The following FAM131C variants were observed in gnomAD, a reference collection of about 807,000 sequenced individuals.
The protein encoded by FAM131C is family with sequence similarity 131 member C.
In FAM131C, 14 loss-of-function variants were observed where a neutral mutation model predicts 29.8. The ratio of observed to expected loss-of-function variants is 0.47; its 90% confidence interval spans 0.31 to 0.73. The LOEUF (loss-of-function observed/expected upper bound fraction) is 0.73, where lower values mean the gene tolerates loss of function less well. Ranked by LOEUF, FAM131C falls within the 30% of genes least tolerant of loss-of-function variation. The pLI is 0.05. For missense variants in FAM131C, 252 were observed against 383.8 expected (o/e 0.66, Z 2.87); for synonymous variants, 86 against 157.8 (o/e 0.54, Z 3.41).
intron 3 of FAM131C, 119 bp downstream of exon 3, chr1:16,062,380 G>GCCCCCCCCCCCCC (rs34673312): frequency 2.3e-4 from 200 of 859,986 alleles, no homozygotes; most frequent in Non-Finnish European, 3.0e-4. Context: ...GTTTCATCAG[G>GCCCCCCCCCCCCC]CCCCCCCCCC....
chr1:16,067,104 G>A (rs143004368), intron 1 of FAM131C, among the ~76,000 whole-genome samples: 2 of 152,306 alleles, frequency 1.3e-5, no homozygotes, highest in African/African-American at 4.8e-5. Context: ...TTGAGACGGT[G>A]GTGGGCTTGG....
At chr1:16,067,198 G>GC (rs1207865172) in intron 1 of FAM131C, among the ~76,000 whole-genome samples, 1 of 152,152 alleles carries the variant, frequency 6.6e-6, no homozygotes, top group Admixed American at 6.5e-5. Flanking sequence ...AAAGCTGCCT[G>GC]CTCCCCCTGA....
chr1:16,068,406 T>C (rs951185561), intron 1 of FAM131C, among the ~76,000 whole-genome samples: 1 of 152,186 alleles, frequency 6.6e-6, no homozygotes, highest in Non-Finnish European at 1.5e-5. Flanking sequence ...TCCACCCCTC[T>C]CCCCTCAGTG....
chr1:16,065,588 C>T (rs2023672498), intron 1 of FAM131C, among the ~76,000 whole-genome samples: 1 of 152,200 alleles, frequency 6.6e-6, no homozygotes, highest in African/African-American at 2.4e-5. Context: ...AGGGGCTGCC[C>T]TAGGTAAATT....
intron 2 of FAM131C, among the ~76,000 whole-genome samples, chr1:16,062,753 C>T (rs1259030861): frequency 3.9e-5 from 6 of 152,258 alleles, no homozygotes; most frequent in African/African-American, 1.4e-4. Flanking sequence ...CCTCGGGTGC[C>T]GCTTATAGAG....
At chr1:16,063,812 T>G (rs2023639798) in intron 1 of FAM131C, among the ~76,000 whole-genome samples, 176 bp from the exon 2 acceptor site, 1 of 151,764 alleles carries the variant, frequency 6.6e-6, no homozygotes, top group Non-Finnish European at 1.5e-5. Flanking sequence ...CCCTCCTGCC[T>G]GTGCCCCTCA....
intron 2 of FAM131C, among the ~76,000 whole-genome samples, chr1:16,062,752 C>T (rs1198092477): frequency 6.6e-6 from 1 of 152,370 alleles, no homozygotes; most frequent in Admixed American, 6.5e-5. Context: ...GCCTCGGGTG[C>T]CGCTTATAGA....
chr1:16,063,664 C>T, intron 1 of FAM131C, 28 bp from the exon 2 acceptor site: 1 of 1,460,614 alleles, frequency 6.8e-7, no homozygotes, highest in Non-Finnish European at 9.5e-7. Context: ...AGGAGGAACT[C>T]AGCAAAGCCC....
intron 1 of FAM131C, among the ~76,000 whole-genome samples, chr1:16,064,341 A>G (rs1386245078): frequency 6.6e-6 from 1 of 152,108 alleles, no homozygotes; most frequent in Non-Finnish European, 1.5e-5. Context: ...CCAAATCACC[A>G]GAGCCTGCCT....
intron 1 of FAM131C, among the ~76,000 whole-genome samples, chr1:16,068,767 C>A (rs2023713470): frequency 6.6e-6 from 1 of 152,184 alleles, no homozygotes; most frequent in Non-Finnish European, 1.5e-5. Flanking sequence ...CTTCCACACA[C>A]CCCAGCTCCT....
At chr1:16,064,551 T>C (rs1322229838) in intron 1 of FAM131C, among the ~76,000 whole-genome samples, 9 of 152,186 alleles carry the variant, frequency 5.9e-5, no homozygotes, top group Non-Finnish European at 1.5e-5. Flanking sequence ...GGATCTCATA[T>C]GCTGCGATGT....
Position 16,073,281 on chromosome 1 carries a change from C to A in FAM131C, c.22+140G>T, listed in dbSNP as rs989223720. ...CCCTACCGTCCCTAGCTCTGTCCCC[C>A]TCAGGACGCCGCGTCCCCAGGGGTG... On this transcript the variant is annotated intron_variant, in intron 1 of 6. Coordinates refer to ENST00000375662, the MANE Select transcript of FAM131C (RefSeq NM_182623.3). The A allele has an allele frequency of 9.9e-6, 4 of 405,904 alleles. No homozygotes were observed. In the East Asian group the frequency reaches 1.7e-4, roughly 18 times the overall value. 25.1% of individuals were successfully genotyped at this position (405,904 alleles called of 1,614,324 possible).
chr1:16,067,275 G>T (rs994704268), intron 1 of FAM131C, among the ~76,000 whole-genome samples: 11 of 152,326 alleles, frequency 7.2e-5, no homozygotes, highest in Non-Finnish European at 1.6e-4. Context: ...CCAGCCCAGG[G>T]TGAAATCACA....
chr1:16,068,533 C>T (rs80295003), intron 1 of FAM131C, among the ~76,000 whole-genome samples: 4,111 of 152,336 alleles, frequency 0.027, 177 homozygotes, highest in African/African-American at 0.093. Context: ...AGTCCTTGGC[C>T]GCTCTGCCTG....
intron 4 of FAM131C, among the ~76,000 whole-genome samples, 173 bp from the exon 5 acceptor site, chr1:16,060,224 C>G (rs1366370605): frequency 8.4e-6 from 1 of 119,452 alleles, no homozygotes; most frequent in South Asian, 3.0e-4. Flanking sequence ...TAACTCCTCA[C>G]GCCCTCCAAA....
At chr1:16,070,748 C>T (rs958867578) in intron 1 of FAM131C, among the ~76,000 whole-genome samples, 2 of 152,172 alleles carry the variant, frequency 1.3e-5, no homozygotes, top group African/African-American at 2.4e-5. Context: ...CCATTTAGTC[C>T]GCCCAGCAAC....
In FAM131C at chr1:16,067,353, C is replaced by T. The variant is rs2023695046; in HGVS notation, c.23-3717G>A. Among the ~76,000 whole-genome samples, 4 of 152,192 alleles carry T rather than the reference C, an allele frequency of 2.6e-5. 1 individual carries two copies. Among genetic ancestry groups the T allele is most frequent in the Admixed American group, 1.3e-4 (2 of 15,290 alleles). ...TGGCAACTGGAAAAACACAGAGTGT[C>T]ATGTGGGGTGGGGGCTGGGAGGCAG... On this transcript the variant is annotated intron_variant, in intron 1 of 6. Coordinates refer to ENST00000375662, the MANE Select transcript of FAM131C (RefSeq NM_182623.3).
At chr1:16,071,238 AG>A (rs113847540) in intron 1 of FAM131C, among the ~76,000 whole-genome samples, 17,698 of 152,258 alleles carry the variant, frequency 0.12, 2,415 homozygotes, top group African/African-American at 0.32. Flanking sequence ...TGCAGGCACC[AG>A]GGCCGAGGGC....
intron 1 of FAM131C, among the ~76,000 whole-genome samples, chr1:16,071,244 G>A (rs2023745928): frequency 1.3e-5 from 2 of 152,228 alleles, no homozygotes; most frequent in Admixed American, 6.5e-5. Context: ...CACCAGGGCC[G>A]AGGGCTGGCT....
Sources: allele counts gnomAD v4.1 joint callset (sites outside exome capture counted in the v4.1 genomes callset), GRCh38; gene constraint gnomAD v4.1.1; transcripts MANE v1.5; gene names NCBI Gene and HGNC (gene_info 2026-07-23, HGNC 2026-07-21).